KCP: variants seen among roughly 807,000 people sequenced by gnomAD.
KCP encodes the protein kielin cysteine rich BMP regulator, also known as kielin/chordin-like protein.
In KCP, 194 loss-of-function variants were observed where a neutral mutation model predicts 212.7. The observed-to-expected ratio is 0.91, with a 90% CI of 0.81 to 1.03. The LOEUF (loss-of-function observed/expected upper bound fraction) is 1.03, where lower values mean the gene tolerates loss of function less well. KCP is among the 50% of genes least tolerant of loss of function. KCP has a pLI of 0.00. For synonymous variants in KCP, 833 were observed against 865.3 expected, an observed-to-expected ratio of 0.96 and a Z score of 0.65; for missense variants, 2,080 against 2,162.5, an observed-to-expected ratio of 0.96 and a Z score of 0.76.
At chr7:128,884,571 T>G (rs981687145) in intron 28 of KCP, among the ~76,000 whole-genome samples, 3 of 152,192 alleles carry the variant, frequency 2.0e-5, no homozygotes, top group African/African-American at 7.2e-5. Context: ...TACGGCCTCC[T>G]GCACACTTGG....
intron 8 of KCP, among the ~76,000 whole-genome samples, chr7:128,901,359 G>C (rs767926741): frequency 6.6e-6 from 1 of 152,222 alleles, no homozygotes; most frequent in Non-Finnish European, 1.5e-5. Flanking sequence ...GGGCGTGGTG[G>C]CTCACGCCTG....
rs1285517336 is a variant in KCP, at chr7:128,887,840, CACAT to C, written c.2513-544_2513-541del. Among the ~76,000 whole-genome samples the C allele has an allele frequency of 8.9e-3, 1,224 of 136,896 alleles. 16 individuals are homozygous for C. Among genetic ancestry groups the C allele is most frequent in the African/African-American group, 0.033 (1,164 of 35,186 alleles). The allele number at this position is 136,896 out of a possible 152,430, so 89.8% of individuals were successfully genotyped here. On this transcript the variant is annotated intron_variant, in intron 22 of 39. Coordinates refer to ENST00000610776, the MANE Select transcript of KCP (RefSeq NM_001366122.1). ...ACAGCCACATACACACACACACACA[CACAT>C]ACACACATACCCACCTACACACAGC...
At position 128,907,372 on chromosome 7, in the gene KCP, GC is replaced by G. The variant is rs1554419988; in HGVS notation, c.300del (p.Arg101ValfsTer118). 2.6e-6 allele frequency: 4 copies of G among 1,540,850 alleles called. No homozygotes were observed. Reference protein sequence around the residue: ...HPASPQCWGLGRAWPEGARWE... With the variant: ...HPASPQCWGLXRAWPEGARWE... The stretch of plus-strand genomic sequence containing the variant: ...CAGCGTGCCCCCTCGGGCCAGGCAC[GC>G]CCCAGCCCCCAGCACTGGGGAGATG... On this transcript the variant is annotated frameshift_variant, in exon 3 of 40. Coordinates refer to ENST00000610776, the MANE Select transcript of KCP (RefSeq NM_001366122.1). LOFTEE classifies it high-confidence loss of function.
At chr7:128,897,999 G>T (rs1794628926) in intron 8 of KCP, among the ~76,000 whole-genome samples, 1 of 152,060 alleles carries the variant, frequency 6.6e-6, no homozygotes, top group Non-Finnish European at 1.5e-5. Context: ...AAGAAATGTT[G>T]TACAATTTAA....
rs1793995430 is a variant in KCP, at chr7:128,890,110, AG to A, written c.2335+232del. On this transcript the variant is annotated intron_variant, in intron 21 of 39. Coordinates refer to ENST00000610776, the MANE Select transcript of KCP (RefSeq NM_001366122.1). ...ATTTTAAATTTTTTGTGTAGAGACA[AG>A]ATCTCTCTATGTTGCCCAGGCTGGT... 4.7e-6 allele frequency: 3 copies of A among 638,880 alleles called. No individual in the cohort carries two copies. The East Asian group carries it at 9.0e-5, about 19-fold the overall frequency. 39.6% of individuals were successfully genotyped at this position (638,880 alleles called of 1,614,324 possible). A position where few individuals can be genotyped will look rare whatever the true frequency, so the allele number is the denominator to read the frequency against.
intron 31 of KCP, among the ~76,000 whole-genome samples, chr7:128,881,380 G>GC (rs1265137573): frequency 6.6e-6 from 1 of 152,190 alleles, no homozygotes; most frequent in African/African-American, 2.4e-5. Context: ...GGGATCCTGA[G>GC]CCCCCTGACA....
chr7:128,894,312 AG>A lies in KCP; in HGVS notation c.832-20del. ...GACCCTCCTGGTGGGGAGAATGAACAGGGGAAGGGGCCGACAGGGCTCAACT... is the reference window on the plus strand; with the variant it reads ...GACCCTCCTGGTGGGGAGAATGAACAGGGAAGGGGCCGACAGGGCTCAACT... On this transcript the variant is annotated intron_variant, in intron 8 of 39. Transcript: ENST00000610776. 1 of 1,513,072 alleles carries A rather than the reference AG, an allele frequency of 6.6e-7. No individual in the cohort carries two copies. The highest frequency in any genetic ancestry group is 8.9e-7 in the Non-Finnish European group (1 of 1,123,430). 93.7% of individuals were successfully genotyped at this position (1,513,072 alleles called of 1,614,324 possible).
At chr7:128,882,503 C>A (rs1189568362) in intron 29 of KCP, among the ~76,000 whole-genome samples, 1 of 152,186 alleles carries the variant, frequency 6.6e-6, no homozygotes, top group African/African-American at 2.4e-5. Context: ...ACTTCCCTCA[C>A]TGGGTAACTA....
Position 128,877,479 on chromosome 7 carries a change from C to T in KCP, c.4618+5G>A. On this transcript the variant is annotated splice_donor_5th_base_variant and intron_variant, in intron 39 of 39. Coordinates refer to ENST00000610776, the MANE Select transcript of KCP (RefSeq NM_001366122.1). Reference sequence around the variant, plus strand: ...CCCAACCTGCAGCGGGCATCACCCCCTCACCACACAGCGTGGGGCCTCGCC... The same window carrying T: ...CCCAACCTGCAGCGGGCATCACCCCTTCACCACACAGCGTGGGGCCTCGCC... The T allele has an allele frequency of 6.4e-7, 1 of 1,550,938 alleles. No individual in the cohort carries two copies. The highest frequency in any genetic ancestry group is 8.7e-7 in the Non-Finnish European group (1 of 1,146,878).
At chr7:128,898,414 A>G (rs1339626725) in intron 8 of KCP, among the ~76,000 whole-genome samples, 1 of 152,196 alleles carries the variant, frequency 6.6e-6, no homozygotes, top group African/African-American at 2.4e-5. Flanking sequence ...GGCCTGGGAC[A>G]TGTGGAGTTT....
intron 21 of KCP, 79 bp downstream of exon 21, chr7:128,890,264 G>A (rs746283403): frequency 3.2e-6 from 5 of 1,550,958 alleles, no homozygotes; most frequent in Admixed American, 2.0e-5. Flanking sequence ...ATCCACCCTA[G>A]GGCAGTAAAG....
At chr7:128,888,737 T>G in intron 22 of KCP, 126 bp downstream of exon 22, 4 of 883,962 alleles carry the variant, frequency 4.5e-6, no homozygotes, top group Non-Finnish European at 6.7e-6. Flanking sequence ...GGTGAGGGAG[T>G]CGGAGAGTGA....
At position 128,908,251 on chromosome 7, in the gene KCP, G is replaced by GAGAAAGAAAGAAAGAAAGAAAGAAAGA. The variant is rs1554420449; in HGVS notation, c.219+174_219+175insTCTTTCTTTCTTTCTTTCTTTCTTTCT. Among the ~76,000 whole-genome samples the GAGAAAGAAAGAAAGAAAGAAAGAAAGA allele has an allele frequency of 2.1e-3, 208 of 101,272 alleles. 5 individuals carry two copies. The highest frequency in any genetic ancestry group is 7.3e-3 in the African/African-American group (188 of 25,838). 66.4% of individuals were successfully genotyped at this position (101,272 alleles called of 152,430 possible). On this transcript the variant is annotated intron_variant, in intron 2 of 39. Coordinates refer to ENST00000610776, the MANE Select transcript of KCP (RefSeq NM_001366122.1). The stretch of plus-strand genomic sequence containing the variant: ...AGGAAAGAAGAAAGGAAGAAAGAAA[G>GAGAAAGAAAGAAAGAAAGAAAGAAAGA]AAGAAAGAAAGAAAGAAAGAAAGAA...
Position 128,907,126 on chromosome 7 carries a change from T to G in KCP, c.461A>C (p.Asp154Ala), listed in dbSNP as rs1486318542. The G allele has an allele frequency of 1.9e-6, 3 of 1,551,480 alleles. No homozygotes were observed. Among genetic ancestry groups the G allele is most frequent in the Non-Finnish European group, 2.6e-6 (3 of 1,146,928 alleles). ...CAGACAGCGGCAGGTGGTGCAGGCA[T>G]CTGGGGAGAAGGTCTCCCCGTTGCC... ...TYGNGETFSP[D>A]ACTTCRCLEG... is the part of the protein sequence containing the mutation. The change falls in exon 4 of 40, where the codon GAT (aspartate) becomes GCT (alanine). Residue 154 changes from aspartate (D) to alanine (A), a missense_variant. Asp to Ala is a moderately radical substitution (Grantham distance 126). Coordinates refer to ENST00000610776, the MANE Select transcript of KCP (RefSeq NM_001366122.1).
At chr7:128,900,948 G>A (rs938730017) in intron 8 of KCP, among the ~76,000 whole-genome samples, 1 of 152,226 alleles carries the variant, frequency 6.6e-6, no homozygotes, top group African/African-American at 2.4e-5. Context: ...ATGAGGCTGA[G>A]ACCTACTGGG....
At chr7:128,879,647 G>A in intron 36 of KCP, 24 bp from the exon 37 acceptor site, 3 of 1,549,382 alleles carry the variant, frequency 1.9e-6, no homozygotes, top group Non-Finnish European at 1.7e-6. Context: ...GAGGTGGGAG[G>A]AGGGGTGATG....
Position 128,907,158 on chromosome 7 carries a change from C to G in KCP, c.429G>C (p.Gln143His). 2 of 1,551,586 alleles carry G rather than the reference C, an allele frequency of 1.3e-6. No individual in the cohort carries two copies. Among genetic ancestry groups the G allele is most frequent in the Non-Finnish European group, 1.7e-6 (2 of 1,146,900 alleles). ...AGAAGGTCTCCCCGTTGCCGTAGGTCTGGCCATTTTGGCTGCAGCCTAAGG... is the reference window on the plus strand; with the variant it reads ...AGAAGGTCTCCCCGTTGCCGTAGGTGTGGCCATTTTGGCTGCAGCCTAAGG... ...PHCRGCSQNGQTYGNGETFSP... is the reference protein window; with the variant it reads ...PHCRGCSQNGHTYGNGETFSP... The change falls in exon 4 of 40, where the codon CAG (glutamine) becomes CAC (histidine). Residue 143 changes from glutamine to histidine, a missense_variant. Gln to His is a conservative substitution (Grantham distance 24). Transcript: ENST00000610776.
At chr7:128,896,303 C>G (rs1794518287) in intron 8 of KCP, among the ~76,000 whole-genome samples, 1 of 152,078 alleles carries the variant, frequency 6.6e-6, no homozygotes, top group African/African-American at 2.4e-5. Context: ...AGAGGCCTCT[C>G]TTAATAAAAG....
chr7:128,897,718 C>T (rs1794611691), intron 8 of KCP, among the ~76,000 whole-genome samples: 6 of 152,120 alleles, frequency 3.9e-5, no homozygotes, highest in Admixed American at 3.9e-4. Flanking sequence ...GCTTCTTTGA[C>T]TTTTGAAAAT....
Sources: allele counts gnomAD v4.1 joint callset (sites outside exome capture counted in the v4.1 genomes callset), GRCh38; gene constraint gnomAD v4.1.1; transcripts MANE v1.5; gene names NCBI Gene and HGNC (gene_info 2026-07-23, HGNC 2026-07-21).